GAB2: variants seen among roughly 807,000 people sequenced by gnomAD.
GAB2 encodes GRB2-associated-binding protein 2.
GAB2 carries 26 observed loss-of-function variants against 65.5 expected under a neutral mutation model. The observed-to-expected ratio is 0.40, with a 90% CI of 0.29 to 0.55. GAB2 has a LOEUF of 0.55. GAB2 is among the 20% of genes least tolerant of loss of function. The pLI is 0.53. For synonymous variants in GAB2, 321 were observed against 329.6 expected, an observed-to-expected ratio of 0.97 and a Z score of 0.28; for missense variants, 884 against 875.8, an observed-to-expected ratio of 1.01 and a Z score of -0.12.
At chr11:78,292,091 T>C (rs1446597071) in intron 1 of GAB2, among the ~76,000 whole-genome samples, 1 of 151,978 alleles carries the variant, frequency 6.6e-6, no homozygotes, top group Admixed American at 6.6e-5. Context: ...AAAGAGCTTT[T>C]TGAAGATACA....
chr11:78,358,800 G>A (rs545097176), intron 1 of GAB2, among the ~76,000 whole-genome samples: 87 of 152,076 alleles, frequency 5.7e-4, no homozygotes, highest in African/African-American at 2.0e-3. Context: ...TGACAGAATC[G>A]TATCTTCAAA....
chr11:78,343,786 AAT>A (rs1475222459), intron 1 of GAB2, among the ~76,000 whole-genome samples: 1 of 152,214 alleles, frequency 6.6e-6, no homozygotes, highest in East Asian at 1.9e-4. Context: ...ATATTTCTAA[AAT>A]ATTATTTCAA....
chr11:78,244,275 C>G (rs1865227990), intron 3 of GAB2, among the ~76,000 whole-genome samples: 1 of 152,002 alleles, frequency 6.6e-6, no homozygotes. Context: ...GACTGTGGTT[C>G]CAGCTGCTCA....
In GAB2 at chr11:78,219,033, G is replaced by A. The variant is rs1864284780; in HGVS notation, c.*239C>T. On this transcript the variant is annotated 3_prime_UTR_variant, in exon 10 of 10. Coordinates refer to ENST00000361507, the MANE Select transcript of GAB2 (RefSeq NM_080491.3). ...GTAGCTCCTAACTAAGGTGGGTGGA[G>A]GCATGGCCATTACTGATAAAAATCA... The A allele has an allele frequency of 2.0e-6, 1 of 508,400 alleles. No individual in the cohort carries two copies. The highest frequency in any genetic ancestry group is 3.5e-6 in the Non-Finnish European group (1 of 286,060). 31.5% of individuals were successfully genotyped at this position (508,400 alleles called of 1,614,324 possible). A position where few individuals can be genotyped will look rare whatever the true frequency, so the allele number is the denominator to read the frequency against.
intron 2 of GAB2, among the ~76,000 whole-genome samples, chr11:78,265,205 T>C (rs989852633): frequency 1.3e-5 from 1 of 76,838 alleles, no homozygotes; most frequent in Non-Finnish European, 2.2e-5. Context: ...CTATACCACA[T>C]ATATATATAT....
Position 78,257,728 on chromosome 11 carries a change from C to T in GAB2, c.377-7328G>A, listed in dbSNP as rs111452304. Among the ~76,000 whole-genome samples the T allele has an allele frequency of 1.4e-3, 206 of 152,234 alleles. 1 individual carries two copies. Among genetic ancestry groups the T allele is most frequent in the African/African-American group, 4.8e-3 (201 of 41,534 alleles). On this transcript the variant is annotated intron_variant, in intron 2 of 9. Transcript: ENST00000361507. ...GAATTAATGAGAACCAAAAGGACAA[C>T]AGTGACTGTGGTAAGCACAGCTGCC...
rs1488463903 is a variant in GAB2, at chr11:78,223,623, A to G, written c.1356T>C (p.Tyr452=). Reference sequence around the variant, plus strand: ...TGGAAGAACCTGGATTCATGGGCACATAGTTGTCTTCAGAATTGGTGCTGT... The same window carrying G: ...TGGAAGAACCTGGATTCATGGGCACGTAGTTGTCTTCAGAATTGGTGCTGT... The part of the protein sequence containing the change: ...RSDSTNSEDN[Y]VPMNPGSSTL... The change falls in exon 6 of 10, where the codon TAT becomes TAC. Residue 452 remains tyrosine (Y), a synonymous_variant. Transcript: ENST00000361507. The G allele has an allele frequency of 1.2e-6, 2 of 1,613,252 alleles. No individual in the cohort carries two copies. Among genetic ancestry groups the G allele is most frequent in the Admixed American group, 1.7e-5 (1 of 59,926 alleles).
At chr11:78,220,194 C>G in intron 9 of GAB2, 125 bp downstream of exon 9, 1 of 935,684 alleles carries the variant, frequency 1.1e-6, no homozygotes, top group Non-Finnish European at 1.6e-6. Flanking sequence ...ATCATAAAAG[C>G]TGGGTACTGG....
chr11:78,362,668 AAAAG>A (rs148026272), intron 1 of GAB2, among the ~76,000 whole-genome samples: 4,276 of 152,270 alleles, frequency 0.028, 166 homozygotes, highest in African/African-American at 0.09. Context: ...TTCTCAAGTT[AAAAG>A]AAAGACTTTC....
At chr11:78,276,106 T>G (rs1866161013) in intron 2 of GAB2, among the ~76,000 whole-genome samples, 1 of 134,486 alleles carries the variant, frequency 7.4e-6, no homozygotes, top group Non-Finnish European at 1.6e-5. Flanking sequence ...AGAGCAAGAC[T>G]GTCTCAAAAA....
intron 3 of GAB2, among the ~76,000 whole-genome samples, chr11:78,235,849 A>G (rs1302673106): frequency 1.3e-5 from 2 of 152,146 alleles, no homozygotes; most frequent in African/African-American, 4.8e-5. Flanking sequence ...GAGCCCTCCA[A>G]ACTGTTCCAA....
chr11:78,273,911 C>T (rs1866089097), intron 2 of GAB2, among the ~76,000 whole-genome samples: 2 of 152,146 alleles, frequency 1.3e-5, no homozygotes, highest in South Asian at 4.1e-4. Context: ...GGCCTGCTGC[C>T]ACTGATATAA....
chr11:78,224,196 C>T (rs1028144684), intron 5 of GAB2, among the ~76,000 whole-genome samples: 1 of 152,222 alleles, frequency 6.6e-6, no homozygotes, highest in Non-Finnish European at 1.5e-5. Flanking sequence ...TTTGATAAAT[C>T]TAGAGTATAA....
intron 1 of GAB2, among the ~76,000 whole-genome samples, chr11:78,294,687 T>C (rs1387525777): frequency 1.3e-5 from 2 of 152,238 alleles, no homozygotes; most frequent in Non-Finnish European, 2.9e-5. Context: ...GCTAGCCATA[T>C]GTAGAAAGCT....
chr11:78,258,672 A>G (rs1865658892), intron 2 of GAB2, among the ~76,000 whole-genome samples: 1 of 151,680 alleles, frequency 6.6e-6, no homozygotes, highest in African/African-American at 2.4e-5. Context: ...ATTATGGCTC[A>G]TTGCAGCCTC....
intron 1 of GAB2, among the ~76,000 whole-genome samples, chr11:78,338,380 G>A (rs1856037497): frequency 1.3e-5 from 2 of 152,058 alleles, no homozygotes; most frequent in African/African-American, 4.8e-5. Context: ...GCTACCATGA[G>A]GCTGAAAGCC....
Position 78,221,662 on chromosome 11 carries a change from G to C in GAB2, c.1761+15C>G, listed in dbSNP as rs946953372. On this transcript the variant is annotated intron_variant, in intron 8 of 9. Coordinates refer to ENST00000361507, the MANE Select transcript of GAB2 (RefSeq NM_080491.3). ...ACTTGAAAGGCGTCATTCCAGCGAAGCCCGAAGGACTCACCATAGGGACAT... is the reference window on the plus strand; with the variant it reads ...ACTTGAAAGGCGTCATTCCAGCGAACCCCGAAGGACTCACCATAGGGACAT... The C allele has an allele frequency of 6.5e-7, 1 of 1,546,850 alleles. No homozygotes were observed. Among genetic ancestry groups the C allele is most frequent in the Non-Finnish European group, 8.9e-7 (1 of 1,122,526 alleles).
At chr11:78,221,639 T>G in intron 8 of GAB2, 38 bp downstream of exon 8, 1 of 1,359,078 alleles carries the variant, frequency 7.4e-7, no homozygotes. Context: ...CCCAGGGGAC[T>G]TGAAAGGCGT....
chr11:78,216,329 G>A lies in GAB2; in HGVS notation c.*2943C>T, dbSNP rs140676461. 1,716 of 152,262 alleles carry A rather than the reference G, an allele frequency of 0.011. 18 individuals carry two copies. The highest frequency in any genetic ancestry group is 0.02 in the Middle Eastern group (6 of 294). 9.4% of individuals were successfully genotyped at this position (152,262 alleles called of 1,614,324 possible). ...CTGAGTGGGAAGGTATCCCCTTTCCGTAGGCTCAGTCCTCTCCAGGCCCCC... is the reference window on the plus strand; with the variant it reads ...CTGAGTGGGAAGGTATCCCCTTTCCATAGGCTCAGTCCTCTCCAGGCCCCC... On this transcript the variant is annotated 3_prime_UTR_variant, in exon 10 of 10. Transcript: ENST00000361507.
Sources: gnomAD v4.1 joint callset for allele counts (sites outside exome capture counted in the v4.1 genomes callset) on GRCh38, gnomAD v4.1.1 for gene constraint, MANE v1.5 for transcripts, NCBI Gene and HGNC (gene_info 2026-07-23, HGNC 2026-07-21) for gene names.